Variants in PTPRD observed in about 807,000 individuals in gnomAD.
PTPRD encodes the protein receptor-type tyrosine-protein phosphatase delta.
A neutral mutation model predicts 214.5 loss-of-function variants in PTPRD; 34 were observed. The observed-to-expected ratio is 0.16, with a 90% CI of 0.12 to 0.21. PTPRD has a LOEUF of 0.21. Among genes scored for constraint, PTPRD ranks in the 10% least tolerant of loss-of-function variants. The pLI, the probability that PTPRD is intolerant of heterozygous loss-of-function variation, is 1.00. For synonymous variants in PTPRD, 1,128 were observed against 845.7 expected, an observed-to-expected ratio of 1.33 and a Z score of -5.79; for missense variants, 2,545 against 2,398.7, an observed-to-expected ratio of 1.06 and a Z score of -1.27.
At chr9:10,381,104 A>C (rs2097813870) in intron 2 of PTPRD, among the ~76,000 whole-genome samples, 1 of 151,870 alleles carries the variant, frequency 6.6e-6, no homozygotes, top group African/African-American at 2.4e-5. Context: ...ATAAGACCAA[A>C]AAAAAAAGAC....
intron 7 of PTPRD, among the ~76,000 whole-genome samples, chr9:9,722,284 C>G (rs2154433477): frequency 1.3e-5 from 2 of 152,084 alleles, no homozygotes; most frequent in South Asian, 4.1e-4. Context: ...ATGGATTTCC[C>G]TATTCTGGAT....
intron 5 of PTPRD, among the ~76,000 whole-genome samples, chr9:9,791,640 A>G (rs544931305): frequency 6.2e-4 from 95 of 152,212 alleles, no homozygotes; most frequent in African/African-American, 2.2e-3. Context: ...CATTATTTGC[A>G]GGGAGGAAGA....
chr9:9,300,031 T>G (rs112359521), intron 9 of PTPRD, among the ~76,000 whole-genome samples: 203 of 150,080 alleles, frequency 1.4e-3, no homozygotes, highest in African/African-American at 4.4e-3. Context: ...ATTTTTAAAT[T>G]TACTACTTTA....
At chr9:9,995,754 A>G (rs2096098091) in intron 4 of PTPRD, among the ~76,000 whole-genome samples, 1 of 152,164 alleles carries the variant, frequency 6.6e-6, no homozygotes. Flanking sequence ...GGACCCTGTC[A>G]GACATGTTTA....
chr9:9,465,475 T>C lies in PTPRD; in HGVS notation c.-236-67993A>G, dbSNP rs553528337. Among the ~76,000 whole-genome samples the C allele has an allele frequency of 2.2e-4, 34 of 152,290 alleles. 1 individual carries two copies. The South Asian group carries it at 7.1e-3, about 32-fold the overall frequency. On this transcript the variant is annotated intron_variant, in intron 8 of 45. Coordinates refer to ENST00000381196, the MANE Select transcript of PTPRD (RefSeq NM_002839.4). ...TTACTCAAGTGTAAGAATATAACAT[T>C]TATCACTAATACATAAATGGGTGAG...
intron 9 of PTPRD, among the ~76,000 whole-genome samples, chr9:9,366,085 A>G (rs879913975): frequency 2.6e-5 from 4 of 151,528 alleles, no homozygotes; most frequent in Non-Finnish European, 5.9e-5. Flanking sequence ...AGTCTATTGC[A>G]TGAGAATTCA....
intron 3 of PTPRD, among the ~76,000 whole-genome samples, chr9:10,326,785 GCT>G (rs1218452232): frequency 1.3e-4 from 19 of 151,264 alleles, no homozygotes; most frequent in African/African-American, 4.1e-4. Context: ...AGAAAAAGGG[GCT>G]CTCTACCGGT....
intron 7 of PTPRD, among the ~76,000 whole-genome samples, chr9:9,693,829 C>A (rs559274537): frequency 1.5e-4 from 23 of 152,262 alleles, no homozygotes; most frequent in Middle Eastern, 6.8e-3. Flanking sequence ...AAATAAACTG[C>A]CTTCAGGCTC....
intron 3 of PTPRD, among the ~76,000 whole-genome samples, chr9:10,309,547 T>C (rs2096205483): frequency 6.7e-6 from 1 of 149,646 alleles, no homozygotes; most frequent in South Asian, 2.1e-4. Context: ...GTATTTTTAG[T>C]AGAGAAGGGG....
At chr9:9,663,325 T>C (rs1275798764) in intron 7 of PTPRD, among the ~76,000 whole-genome samples, 1 of 151,502 alleles carries the variant, frequency 6.6e-6, no homozygotes, top group Non-Finnish European at 1.5e-5. Flanking sequence ...TCTATATTTA[T>C]ATGAAATCAC....
intron 3 of PTPRD, among the ~76,000 whole-genome samples, chr9:10,276,902 G>A (rs2094725481): frequency 1.3e-5 from 2 of 152,260 alleles, no homozygotes; most frequent in South Asian, 4.1e-4. Context: ...ACAAAGTTTG[G>A]TACAATCAGA....
At chr9:9,893,152 G>T (rs1405948725) in intron 5 of PTPRD, among the ~76,000 whole-genome samples, 1 of 152,120 alleles carries the variant, frequency 6.6e-6, no homozygotes, top group South Asian at 2.1e-4. Flanking sequence ...CTATGATCTT[G>T]TTCTTTTTTA....
intron 5 of PTPRD, among the ~76,000 whole-genome samples, chr9:9,848,393 T>C (rs10816206): frequency 6.6e-6 from 1 of 152,052 alleles, no homozygotes. Flanking sequence ...CAAAATCACG[T>C]AAAATGATGG....
intron 4 of PTPRD, among the ~76,000 whole-genome samples, chr9:9,959,576 A>G (rs1329224698): frequency 6.6e-6 from 1 of 152,188 alleles, no homozygotes; most frequent in African/African-American, 2.4e-5. Context: ...CAAATATATG[A>G]AAAACCTCAC....
At chr9:8,706,176 T>TA (rs1377805153) in intron 12 of PTPRD, among the ~76,000 whole-genome samples, 7 of 151,008 alleles carry the variant, frequency 4.6e-5, no homozygotes, top group East Asian at 1.9e-4. Context: ...AACACTGAAT[T>TA]AAAAAAAAAG....
chr9:8,806,594 T>C (rs1389184614), intron 11 of PTPRD, among the ~76,000 whole-genome samples: 2 of 152,190 alleles, frequency 1.3e-5, no homozygotes, highest in African/African-American at 2.4e-5. Context: ...CAGCAAGTAT[T>C]GACAAAGCCT....
chr9:8,458,800 C>T (rs990284914), intron 33 of PTPRD, among the ~76,000 whole-genome samples: 5 of 151,996 alleles, frequency 3.3e-5, no homozygotes, highest in African/African-American at 1.2e-4. Context: ...AGATTCAAAT[C>T]ATCAAATGAG....
intron 7 of PTPRD, among the ~76,000 whole-genome samples, chr9:9,711,810 C>G (rs1463204036): frequency 6.6e-6 from 1 of 152,166 alleles, no homozygotes; most frequent in Non-Finnish European, 1.5e-5. Flanking sequence ...TTTCAAACAG[C>G]TCTCTTATTT....
At chr9:8,900,696 T>G (rs1261921821) in intron 11 of PTPRD, among the ~76,000 whole-genome samples, 1 of 152,168 alleles carries the variant, frequency 6.6e-6, no homozygotes, top group Non-Finnish European at 1.5e-5. Flanking sequence ...CTGTAGAATC[T>G]TCAAAATGCT....
Sources: gnomAD v4.1 joint callset for allele counts (sites outside exome capture counted in the v4.1 genomes callset) on GRCh38, gnomAD v4.1.1 for gene constraint, MANE v1.5 for transcripts, NCBI Gene and HGNC (gene_info 2026-07-23, HGNC 2026-07-21) for gene names.